The following SAMMSON variants were observed in gnomAD, a reference collection of about 807,000 sequenced individuals.
The protein encoded by SAMMSON is survival associated mitochondrial melanoma specific oncogenic non-coding RNA.
At chr3:70,032,724 C>T (rs1005444246) in intron 3 of SAMMSON, among the ~76,000 whole-genome samples, 6 of 152,148 alleles carry the variant, frequency 3.9e-5, no homozygotes, top group African/African-American at 1.4e-4. Flanking sequence ...TGGTAGGGGC[C>T]AGCTGCTCTG....
intron 9 of SAMMSON, among the ~76,000 whole-genome samples, chr3:70,376,272 C>T (rs895958022): frequency 6.6e-6 from 1 of 152,200 alleles, no homozygotes; most frequent in Non-Finnish European, 1.5e-5. Context: ...TAAGCGTTGT[C>T]TCCAGTTCGT....
intron 1 of SAMMSON, among the ~76,000 whole-genome samples, chr3:70,001,015 C>T (rs1318816735): frequency 6.6e-6 from 1 of 151,888 alleles, no homozygotes; most frequent in Non-Finnish European, 1.5e-5. Flanking sequence ...CTTCTCCTGC[C>T]GGAGCTGGTT....
chr3:70,309,409 C>T (rs1702435832), intron 7 of SAMMSON, among the ~76,000 whole-genome samples: 1 of 152,094 alleles, frequency 6.6e-6, no homozygotes, highest in Non-Finnish European at 1.5e-5. Flanking sequence ...AAAAACATAA[C>T]TGTATTATTC....
intron 4 of SAMMSON, among the ~76,000 whole-genome samples, chr3:70,168,520 G>A (rs948830016): frequency 3.3e-5 from 5 of 152,094 alleles, no homozygotes; most frequent in African/African-American, 1.2e-4. Context: ...GCCAGTCAAC[G>A]AAGCAGCAGA....
chr3:70,076,068 A>T (rs1314276437), intron 4 of SAMMSON, among the ~76,000 whole-genome samples: 1 of 152,024 alleles, frequency 6.6e-6, no homozygotes, highest in African/African-American at 2.4e-5. Context: ...TTATTTTGAA[A>T]TGTGCTTCCT....
chr3:70,022,234 C>A (rs2067016524), intron 3 of SAMMSON, among the ~76,000 whole-genome samples: 1 of 134,158 alleles, frequency 7.5e-6, no homozygotes, highest in Non-Finnish European at 1.5e-5. Context: ...CAACTGGCCC[C>A]CCAAATGTAC....
intron 3 of SAMMSON, among the ~76,000 whole-genome samples, chr3:70,023,440 G>A (rs910141828): frequency 1.5e-4 from 23 of 151,196 alleles, no homozygotes; most frequent in African/African-American, 5.6e-4. Flanking sequence ...CAGCCTGGGT[G>A]ACAGAGCAAG....
chr3:70,244,778 A>G (rs1701691151), intron 4 of SAMMSON, among the ~76,000 whole-genome samples: 1 of 152,252 alleles, frequency 6.6e-6, no homozygotes, highest in South Asian at 2.1e-4. Flanking sequence ...GTGCACACAT[A>G]TATAAATACA....
At chr3:70,073,345 A>T (rs563798605) in intron 4 of SAMMSON, among the ~76,000 whole-genome samples, 1 of 152,208 alleles carries the variant, frequency 6.6e-6, no homozygotes, top group African/African-American at 2.4e-5. Context: ...AGCCGTGGAG[A>T]AAAAGAAAAT....
intron 7 of SAMMSON, among the ~76,000 whole-genome samples, chr3:70,296,947 G>A (rs910653810): frequency 4.0e-5 from 6 of 151,714 alleles, no homozygotes; most frequent in African/African-American, 7.3e-5. Flanking sequence ...TGCCTCTCTG[G>A]TCTAGTTTAT....
intron 6 of SAMMSON, among the ~76,000 whole-genome samples, chr3:70,256,784 A>G (rs2106657406): frequency 6.6e-6 from 1 of 152,318 alleles, no homozygotes; most frequent in East Asian, 1.9e-4. Flanking sequence ...CCAAGTTAAG[A>G]GTTCTCTAAA....
intron 7 of SAMMSON, among the ~76,000 whole-genome samples, chr3:70,316,079 T>C (rs868037216): frequency 1.3e-5 from 2 of 152,170 alleles, no homozygotes; most frequent in Non-Finnish European, 2.9e-5. Flanking sequence ...CAAGCCTCAG[T>C]ATCCCTAATT....
intron 7 of SAMMSON, among the ~76,000 whole-genome samples, chr3:70,322,162 A>G (rs1443089199): frequency 6.6e-6 from 1 of 152,130 alleles, no homozygotes; most frequent in Non-Finnish European, 1.5e-5. Context: ...ACATTGATTT[A>G]TTGGATCCTC....
At chr3:70,387,022 G>A (rs1477335860) in intron 9 of SAMMSON, among the ~76,000 whole-genome samples, 1 of 151,892 alleles carries the variant, frequency 6.6e-6, no homozygotes, top group Admixed American at 6.6e-5. Flanking sequence ...GGGAATTGAG[G>A]TATTAATTCT....
intron 2 of SAMMSON, among the ~76,000 whole-genome samples, chr3:70,431,825 TG>T (rs762254189): frequency 4.5e-4 from 69 of 152,188 alleles, no homozygotes; most frequent in Non-Finnish European, 8.7e-4. Context: ...TTCATATAAA[TG>T]GATCACACAG....
At chr3:70,259,695 A>G (rs2106660269) in intron 6 of SAMMSON, among the ~76,000 whole-genome samples, 1 of 152,312 alleles carries the variant, frequency 6.6e-6, no homozygotes, top group South Asian at 2.1e-4. Flanking sequence ...TGGCTACTGT[A>G]ACAAAGTGCC....
At chr3:70,343,931 A>T (rs1261404982) in intron 7 of SAMMSON, among the ~76,000 whole-genome samples, 2 of 150,108 alleles carry the variant, frequency 1.3e-5, no homozygotes, top group African/African-American at 4.9e-5. Context: ...ATATAATTTT[A>T]TATTATTTTA....
chr3:70,334,161 C>T (rs1290069899), intron 7 of SAMMSON, among the ~76,000 whole-genome samples: 3 of 152,092 alleles, frequency 2.0e-5, no homozygotes, highest in Non-Finnish European at 4.4e-5. Context: ...TTGAAGATAA[C>T]ATAGTTATGC....
chr3:70,324,245 T>G (rs1269991865), intron 7 of SAMMSON, among the ~76,000 whole-genome samples: 4 of 151,934 alleles, frequency 2.6e-5, no homozygotes, highest in African/African-American at 9.7e-5. Context: ...GAGAGAGATC[T>G]CCCAGTGGTT....
Sources: allele counts gnomAD v4.1 joint callset (sites outside exome capture counted in the v4.1 genomes callset), GRCh38; gene constraint gnomAD v4.1.1; transcripts MANE v1.5; gene names NCBI Gene and HGNC (gene_info 2026-07-23, HGNC 2026-07-21).